CA5A: variants seen among roughly 807,000 people sequenced by gnomAD.
The protein encoded by CA5A is carbonic anhydrase 5A, mitochondrial.
Under a neutral mutation model 37.1 loss-of-function variants are expected in CA5A, and 28 were observed. The ratio of observed to expected loss-of-function variants is 0.75; its 90% CI spans 0.56 to 1.03. The LOEUF (loss-of-function observed/expected upper bound fraction) is 1.03, where lower values mean the gene tolerates loss of function less well. Among genes scored for constraint, CA5A ranks in the 50% least tolerant of loss-of-function variants. CA5A has a pLI of 0.00. For synonymous variants in CA5A, 171 were observed against 158.4 expected, an observed-to-expected ratio of 1.08 and a Z score of -0.60; for missense variants, 444 against 399.9, an observed-to-expected ratio of 1.11 and a Z score of -0.94.
At chr16:87,927,065 C>A in intron 1 of CA5A, 120 bp from the exon 2 acceptor site, 1 of 726,490 alleles carries the variant, frequency 1.4e-6, no homozygotes, top group Non-Finnish European at 2.3e-6. Flanking sequence ...GGAAACTGAC[C>A]CACGGGAAAC....
chr16:87,896,319 G>A (rs1357951039), intron 5 of CA5A, among the ~76,000 whole-genome samples: 1 of 152,152 alleles, frequency 6.6e-6, no homozygotes, highest in Non-Finnish European at 1.5e-5. Context: ...TAAGCTTTCT[G>A]CCTTGGGCTG....
At chr16:87,915,519 T>C (rs1015828026) in intron 2 of CA5A, among the ~76,000 whole-genome samples, 2 of 139,486 alleles carry the variant, frequency 1.4e-5, no homozygotes, top group African/African-American at 5.4e-5. Context: ...CCAGATCCTG[T>C]GTCAAAATTT....
intron 6 of CA5A, among the ~76,000 whole-genome samples, chr16:87,889,700 A>T (rs950182808): frequency 6.6e-6 from 1 of 152,064 alleles, no homozygotes; most frequent in Admixed American, 6.6e-5. Flanking sequence ...TTAACCTGGG[A>T]GGCGGAGCTT....
chr16:87,904,113 G>A (rs1473959593), intron 3 of CA5A, among the ~76,000 whole-genome samples: 1 of 152,068 alleles, frequency 6.6e-6, no homozygotes, highest in Non-Finnish European at 1.5e-5. Flanking sequence ...AGGCTGAGGT[G>A]GGTGGATCAC....
intron 1 of CA5A, among the ~76,000 whole-genome samples, chr16:87,932,793 G>T (rs547890496): frequency 6.6e-6 from 1 of 152,300 alleles, no homozygotes; most frequent in Non-Finnish European, 1.5e-5. Context: ...TCAGTCTCCA[G>T]GTTTGATGGT....
In CA5A at chr16:87,935,862, C is replaced by G. The variant is rs181227124; in HGVS notation, c.142+447G>C. On this transcript the variant is annotated intron_variant, in intron 1 of 6. Coordinates refer to ENST00000649794, the MANE Select transcript of CA5A (RefSeq NM_001739.2). ...TTGCACTCTAGCCTGGGCAAAAGAGCAAAACTTCATCAAAAAAAGAAAAAA... is the reference window on the plus strand; with the variant it reads ...TTGCACTCTAGCCTGGGCAAAAGAGGAAAACTTCATCAAAAAAAGAAAAAA... Among the ~76,000 whole-genome samples the G allele has an allele frequency of 5.4e-3, 822 of 151,018 alleles. 9 individuals carry two copies. The highest frequency in any genetic ancestry group is 0.019 in the African/African-American group (782 of 41,172).
chr16:87,914,875 T>C (rs12931398), intron 2 of CA5A, among the ~76,000 whole-genome samples: 32,922 of 152,104 alleles, frequency 0.22, 3,934 homozygotes, highest in East Asian at 0.39. Flanking sequence ...CACAGAGAAG[T>C]GCAGCCATGA....
intron 6 of CA5A, among the ~76,000 whole-genome samples, chr16:87,888,829 T>C (rs1235499583): frequency 6.6e-6 from 1 of 152,168 alleles, no homozygotes; most frequent in African/African-American, 2.4e-5. Flanking sequence ...CTCAGCTCGC[T>C]GCAACCTCCG....
Position 87,911,099 on chromosome 16 carries a change from CAA to C in CA5A, c.341-6197_341-6196del, listed in dbSNP as rs11314702. 0.02 allele frequency among the ~76,000 whole-genome samples: 1,923 copies of C among 96,436 alleles called. 26 individuals carry two copies. Among genetic ancestry groups the C allele is most frequent in the African/African-American group, 0.039 (1,170 of 29,722 alleles). The allele number at this position is 96,436 out of a possible 152,430, so 63.3% of individuals were successfully genotyped here. On this transcript the variant is annotated intron_variant, in intron 2 of 6. Transcript: ENST00000649794. The surrounding 1 kb of genome is among the most constrained non-coding windows in gnomAD (Gnocchi z 4.6). ...ACAATGTCAGGGTATTCTCCTTAAT[CAA>C]AAAAAAAAAAAAAAAAAAAGGCAAG...
chr16:87,889,233 T>A (rs1009327712), intron 6 of CA5A, among the ~76,000 whole-genome samples: 1 of 152,030 alleles, frequency 6.6e-6, no homozygotes, highest in Middle Eastern at 3.2e-3. Context: ...TTTTGTATTT[T>A]TAGTAGAGAC....
intron 1 of CA5A, among the ~76,000 whole-genome samples, chr16:87,935,187 T>G (rs6540114): frequency 6.6e-6 from 1 of 151,994 alleles, no homozygotes; most frequent in Non-Finnish European, 1.5e-5. Flanking sequence ...AAACATGGAA[T>G]GCATGGAAGA....
chr16:87,886,243 G>C (rs571619609), downstream of CA5A: 1 of 148,934 alleles, frequency 6.7e-6, no homozygotes, highest in Admixed American at 6.9e-5. Context: ...TCCGCCTCAC[G>C]GGTTCAAGCA....
intron 5 of CA5A, among the ~76,000 whole-genome samples, chr16:87,895,703 C>T (rs1169874634): frequency 6.6e-6 from 1 of 152,100 alleles, no homozygotes; most frequent in African/African-American, 2.4e-5. Context: ...CTATGGTCCC[C>T]ACCCCCGCCC....
chr16:87,916,428 C>T lies in CA5A; in HGVS notation c.340+10320G>A, dbSNP rs539228541. Among the ~76,000 whole-genome samples the T allele has an allele frequency of 8.5e-5, 13 of 152,234 alleles. No homozygotes were observed. In the South Asian group the frequency reaches 1.0e-3, roughly 12 times the overall value. ...GTGATGCTGGAATGCTCCTCCCCAC[C>T]GTCATGAAGCTGGCACTTTCTTACC... is the stretch of plus-strand genomic sequence containing the variant. On this transcript the variant is annotated intron_variant, in intron 2 of 6. Coordinates refer to ENST00000649794, the MANE Select transcript of CA5A (RefSeq NM_001739.2).
chr16:87,890,379 A>T (rs945851581), intron 6 of CA5A, among the ~76,000 whole-genome samples: 73 of 152,102 alleles, frequency 4.8e-4, no homozygotes, highest in African/African-American at 1.6e-3. Context: ...CCGTTTGTAT[A>T]TAAGGGAATA....
At chr16:87,893,284 C>A (rs372225560) in intron 5 of CA5A, 2 of 368,390 alleles carry the variant, frequency 5.4e-6, no homozygotes, top group Non-Finnish European at 1.0e-5. Flanking sequence ...CACGCCATCG[C>A]GACCAGCTAA....
At chr16:87,917,335 G>C (rs1285099163) in intron 2 of CA5A, among the ~76,000 whole-genome samples, 1 of 152,172 alleles carries the variant, frequency 6.6e-6, no homozygotes, top group African/African-American at 2.4e-5. Context: ...CAGAGTCACT[G>C]CTCTGGGAAT....
intron 2 of CA5A, among the ~76,000 whole-genome samples, chr16:87,918,467 A>AC (rs2056185980): frequency 7.6e-6 from 1 of 131,434 alleles, no homozygotes; most frequent in Non-Finnish European, 1.6e-5. Flanking sequence ...CCTTGCCGCC[A>AC]CCTCTGTTAC....
intron 2 of CA5A, 70 bp downstream of exon 2, chr16:87,926,678 G>A (rs531024586): frequency 1.4e-5 from 18 of 1,250,504 alleles, no homozygotes; most frequent in Admixed American, 3.7e-5. Flanking sequence ...CCCCTTCTCC[G>A]CGAAGCTCTT....
Sources: gnomAD v4.1 joint callset for allele counts (sites outside exome capture counted in the v4.1 genomes callset) on GRCh38, gnomAD v4.1.1 for gene constraint, Gnocchi (gnomAD v3.1) non-coding constraint, MANE v1.5 for transcripts, NCBI Gene and HGNC (gene_info 2026-07-23, HGNC 2026-07-21) for gene names.